GSE1: variants seen among roughly 807,000 people sequenced by gnomAD.
GSE1 encodes genetic suppressor element 1.
A neutral mutation model predicts 112.6 loss-of-function variants in GSE1; 32 were observed. The ratio of observed to expected loss-of-function variants is 0.28; its 90% CI spans 0.21 to 0.38. The LOEUF is 0.38. Ranked by LOEUF, GSE1 falls within the 10% of genes least tolerant of loss-of-function variation. GSE1 has a pLI of 1.00. For missense variants in GSE1, 2,348 were observed against 1,699.2 expected, an observed-to-expected ratio of 1.38 and a Z score of -6.71; for synonymous variants, 1,115 against 735.6, an observed-to-expected ratio of 1.52 and a Z score of -8.35.
At chr16:85,223,435 A>G (rs1217778638) in intron 1 of GSE1, among the ~76,000 whole-genome samples, 1 of 149,698 alleles carries the variant, frequency 6.7e-6, no homozygotes, top group Admixed American at 6.8e-5. Context: ...AGACAGGAGA[A>G]TAGCTTGAAC....
chr16:85,432,397 C>G (rs187223720), intron 2 of GSE1, among the ~76,000 whole-genome samples: 3 of 152,228 alleles, frequency 2.0e-5, no homozygotes, highest in Admixed American at 6.5e-5. Flanking sequence ...TCACAGGCAA[C>G]GAGAGACTGG....
At chr16:85,312,133 G>A (rs981036895) in intron 1 of GSE1, among the ~76,000 whole-genome samples, 1 of 139,582 alleles carries the variant, frequency 7.2e-6, no homozygotes, top group African/African-American at 2.9e-5. Context: ...CTCGCCCACC[G>A]CTTCCATCCC....
At chr16:85,591,986 CGTT>C (rs1305839146) in intron 1 of GSE1, among the ~76,000 whole-genome samples, 5 of 152,114 alleles carry the variant, frequency 3.3e-5, no homozygotes, top group Non-Finnish European at 5.9e-5. Context: ...CGGATGCACT[CGTT>C]GTATTTAATT....
intron 1 of GSE1, among the ~76,000 whole-genome samples, chr16:85,209,503 AC>A (rs1255159206): frequency 6.6e-6 from 1 of 151,306 alleles, no homozygotes; most frequent in African/African-American, 2.4e-5. Flanking sequence ...TGGACCACTG[AC>A]CCCTCCCACC....
intron 2 of GSE1, among the ~76,000 whole-genome samples, chr16:85,536,253 G>T (rs1384047348): frequency 6.6e-6 from 1 of 152,240 alleles, no homozygotes; most frequent in African/African-American, 2.4e-5. Flanking sequence ...TTCCTTTAGG[G>T]AAGTGGGTGG....
At chr16:85,585,346 C>G (rs985406735) in intron 1 of GSE1, among the ~76,000 whole-genome samples, 4 of 152,254 alleles carry the variant, frequency 2.6e-5, no homozygotes, top group Non-Finnish European at 4.4e-5. Flanking sequence ...CTTTCCTTCT[C>G]TCTTCCCTTT....
intron 1 of GSE1, among the ~76,000 whole-genome samples, chr16:85,201,699 C>A (rs2075032444): frequency 2.0e-5 from 3 of 152,100 alleles, no homozygotes; most frequent in Admixed American, 2.0e-4. Context: ...GGCTGGGCCG[C>A]TGACCACTGA....
chr16:85,648,517 G>A (rs749580044), intron 2 of GSE1, 35 bp from the exon 3 acceptor site: 6 of 1,201,726 alleles, frequency 5.0e-6, no homozygotes, highest in Middle Eastern at 2.0e-4. Flanking sequence ...CTGTCACTGC[G>A]GCTCCCACTC....
At chr16:85,551,062 C>G (rs896752436), upstream of GSE1, among the ~76,000 whole-genome samples, 1 of 152,074 alleles carries the variant, frequency 6.6e-6, no homozygotes, top group African/African-American at 2.4e-5. Context: ...GAGTTTGCCC[C>G]TTGGCGTCCC....
At chr16:85,659,764 G>GT (rs1287691360) in intron 8 of GSE1, 2 of 152,270 alleles carry the variant, frequency 1.3e-5, no homozygotes, top group Non-Finnish European at 2.9e-5. Context: ...AAGCCATTTA[G>GT]TGTAACTAAG....
intron 1 of GSE1, among the ~76,000 whole-genome samples, chr16:85,260,319 C>CTTTTCTTTTT (rs1907543573): frequency 1.1e-5 from 1 of 94,868 alleles, no homozygotes; most frequent in African/African-American, 4.6e-5. Context: ...TTTTTCTTTT[C>CTTTTCTTTTT]TTTTTTTTTT....
chr16:85,521,162 C>G (rs975756699), intron 2 of GSE1, among the ~76,000 whole-genome samples: 1 of 152,156 alleles, frequency 6.6e-6, no homozygotes, highest in East Asian at 1.9e-4. Context: ...TCCTGACCAC[C>G]GATTGCCATC....
intron 1 of GSE1, among the ~76,000 whole-genome samples, chr16:85,235,250 C>G (rs1391898999): frequency 2.6e-5 from 4 of 152,102 alleles, no homozygotes; most frequent in African/African-American, 9.6e-5. Flanking sequence ...CCCAACCCCC[C>G]GGCCGCCTCT....
intron 1 of GSE1, among the ~76,000 whole-genome samples, chr16:85,178,216 G>T (rs539507072): frequency 6.6e-6 from 1 of 152,302 alleles, no homozygotes; most frequent in South Asian, 2.1e-4. Context: ...TCCTGGAGGA[G>T]GTGACATCTA....
intron 1 of GSE1, among the ~76,000 whole-genome samples, chr16:85,331,689 A>G (rs71372904): frequency 4.2e-4 from 14 of 33,204 alleles, no homozygotes; most frequent in South Asian, 1.2e-3. Flanking sequence ...GTGTGTGTAT[A>G]TATATATATA....
chr16:85,632,463 A>G (rs939860256), intron 1 of GSE1, among the ~76,000 whole-genome samples: 21 of 152,132 alleles, frequency 1.4e-4, no homozygotes, highest in African/African-American at 4.8e-4. Flanking sequence ...GGCTCCCTGA[A>G]TACATGGCCA....
chr16:85,222,824 C>T (rs536709854), intron 1 of GSE1, among the ~76,000 whole-genome samples: 1 of 152,302 alleles, frequency 6.6e-6, no homozygotes, highest in African/African-American at 2.4e-5. Context: ...TGACGGGCCT[C>T]CTCTGCAGCA....
chr16:85,359,116 C>T (rs985303147), intron 2 of GSE1, among the ~76,000 whole-genome samples: 7 of 152,194 alleles, frequency 4.6e-5, no homozygotes, highest in Non-Finnish European at 8.8e-5. Context: ...CGATTTCTCA[C>T]GCTCAGCTCT....
At chr16:85,500,367 G>A (rs1317562976) in intron 2 of GSE1, among the ~76,000 whole-genome samples, 1 of 152,214 alleles carries the variant, frequency 6.6e-6, no homozygotes, top group Non-Finnish European at 1.5e-5. Context: ...TCAATTACGT[G>A]TGGTCTTGGG....
Sources: allele counts gnomAD v4.1 joint callset (sites outside exome capture counted in the v4.1 genomes callset), GRCh38; gene constraint gnomAD v4.1.1; transcripts MANE v1.5; gene names NCBI Gene and HGNC (gene_info 2026-07-23, HGNC 2026-07-21).